The following MMP9 variants were observed in gnomAD, a reference collection of about 807,000 sequenced individuals.
The protein encoded by MMP9 is matrix metallopeptidase 9.
A neutral mutation model predicts 76.4 loss-of-function variants in MMP9; 73 were observed. The ratio of observed to expected loss-of-function variants is 0.96; its 90% CI spans 0.79 to 1.16. The LOEUF (loss-of-function observed/expected upper bound fraction) is 1.16, where lower values mean the gene tolerates loss of function less well. Ranked by LOEUF, MMP9 falls within the 50% of genes most tolerant of loss-of-function variation. MMP9 has a pLI of 0.00. For missense variants in MMP9, 943 were observed against 973.0 expected (o/e 0.97, Z 0.41); for synonymous variants, 412 against 408.4 (o/e 1.01, Z -0.11).
Position 46,014,351 on chromosome 20 carries a change from T to C in MMP9, c.1902-20T>C, listed in dbSNP as rs1176597409. Reference sequence around the variant, plus strand: ...TCCGCTAGCCGGCTCAGCACCTGTCTCCTCCGCGCCTGCCCGCAGGTTCGA... The same window carrying C: ...TCCGCTAGCCGGCTCAGCACCTGTCCCCTCCGCGCCTGCCCGCAGGTTCGA... On this transcript the variant is annotated intron_variant, in intron 11 of 12. Transcript: ENST00000372330. 4 of 1,545,458 alleles carry C rather than the reference T, an allele frequency of 2.6e-6. No homozygotes were observed. The South Asian group carries it at 4.8e-5, about 18-fold the overall frequency.
intron 12 of MMP9, 44 bp downstream of exon 12, chr20:46,014,518 T>C (rs528756314): frequency 6.7e-7 from 1 of 1,491,542 alleles, no homozygotes; most frequent in Non-Finnish European, 9.1e-7. Flanking sequence ...CACACTAAGC[T>C]CCTCTTAGTG....
rs1214395858 is a variant in MMP9 at position 46,009,043 on chromosome 20, C to T, written c.117C>T (p.Leu39=). The change falls in exon 1 of 13, where the codon CTC becomes CTT. Residue 39 remains leucine (L), a synonymous_variant. Coordinates refer to ENST00000372330, the MANE Select transcript of MMP9 (RefSeq NM_004994.3). ...VLFPGDLRTN[L]TDRQLAEEYL... ...TCCCTGGAGACCTGAGAACCAATCTCACCGACAGGCAGCTGGCAGAGGTGG... is the reference window on the plus strand; with the variant it reads ...TCCCTGGAGACCTGAGAACCAATCTTACCGACAGGCAGCTGGCAGAGGTGG... The T allele has an allele frequency of 1.1e-5, 17 of 1,613,864 alleles. No homozygotes were observed. Among genetic ancestry groups the T allele is most frequent in the African/African-American group, 1.3e-5 (1 of 75,030 alleles).
chr20:46,016,233 C>G lies in MMP9; in HGVS notation c.2006-17C>G, dbSNP rs540473046. The G allele has an allele frequency of 4.4e-6, 7 of 1,604,524 alleles. No individual in the cohort carries two copies. The South Asian group carries it at 6.6e-5, about 15-fold the overall frequency. ...AGAATTAGAATCACTCCTCTTATGC[C>G]TGCCTGTCTCCTGCAGAGAAAGCCT... On this transcript the variant is annotated splice_polypyrimidine_tract_variant and intron_variant, in intron 12 of 12. Transcript: ENST00000372330.
In MMP9 at chr20:46,012,514, C is replaced by CT. The variant is rs745653879; in HGVS notation, c.1263dup (p.Met422TyrfsTer6). On this transcript the variant is annotated frameshift_variant, in exon 8 of 13. Transcript: ENST00000372330. LOFTEE classifies it high-confidence loss of function. ...TCAGTGCCGGAGGCGCTCATGTACC[C>CT]TATGTACCGCTTCACTGAGGGGCCC... 7.4e-6 allele frequency: 12 copies of CT among 1,614,030 alleles called. No individual in the cohort carries two copies. Among genetic ancestry groups the CT allele is most frequent in the Non-Finnish European group, 1.0e-5 (12 of 1,179,866 alleles).
intron 2 of MMP9, 140 bp from the exon 3 acceptor site, chr20:46,010,343 A>AAAAAAAAAAAAAT: frequency 1.1e-6 from 1 of 926,570 alleles, no homozygotes; most frequent in Non-Finnish European, 1.6e-6. Context: ...AAAAAAAAAC[A>AAAAAAAAAAAAAT]GTCTGGAAGC....
chr20:46,010,374 G>A (rs1027893034), intron 2 of MMP9, 109 bp from the exon 3 acceptor site: 6 of 1,084,196 alleles, frequency 5.5e-6, no homozygotes, highest in Admixed American at 1.8e-5. Context: ...TGAGAGCGTG[G>A]ACGGCAGAGA....
At chr20:46,010,330 A>AAAAAAAAAAAAAC (rs2084269756) in intron 2 of MMP9, among the ~76,000 whole-genome samples, 153 bp from the exon 3 acceptor site, 2 of 101,928 alleles carry the variant, frequency 2.0e-5, no homozygotes, top group African/African-American at 3.7e-5. Flanking sequence ...ACAAAAAAAA[A>AAAAAAAAAAAAAC]AAAAAAAAAA....
In MMP9 at chr20:46,013,440, A is replaced by T. The variant is rs2084297788; in HGVS notation, c.1516A>T (p.Thr506Ser). ...PPTAGPSTAT[T>S]VPLSPVDDAC... ...CACTGCTGGCCCTTCTACGGCCACT[A>T]CTGTGCCTTTGAGTCCGGTGGACGA... The change falls in exon 9 of 13, where the codon ACT (threonine) becomes TCT (serine). Residue 506 changes from threonine to serine, a missense_variant. Transcript: ENST00000372330. This position sits in a 1 kb window ranked among gnomAD's most constrained non-coding sequence, Gnocchi z 4.5. 1.9e-6 allele frequency: 3 copies of T among 1,613,716 alleles called. No homozygotes were observed. The highest frequency in any genetic ancestry group is 2.5e-6 in the Non-Finnish European group (3 of 1,179,956).
At chr20:46,014,067 C>A in intron 10 of MMP9, 57 bp from the exon 11 acceptor site, 1 of 1,532,550 alleles carries the variant, frequency 6.5e-7, no homozygotes, top group South Asian at 1.2e-5. Context: ...TCCTCGCGTT[C>A]TAGGAGTACG....
intron 2 of MMP9, 133 bp downstream of exon 2, chr20:46,010,231 C>A: frequency 1.1e-6 from 1 of 904,356 alleles, no homozygotes; most frequent in Non-Finnish European, 1.6e-6. Context: ...TGGGGAGTGT[C>A]CCCACCTCTG....
At position 46,016,318 on chromosome 20, in the gene MMP9, G is replaced by C. The variant is rs756600684; in HGVS notation, c.2074G>C (p.Asp692His). 1.2e-6 allele frequency: 2 copies of C among 1,614,222 alleles called. No individual in the cohort carries two copies. Among genetic ancestry groups the C allele is most frequent in the Non-Finnish European group, 1.7e-6 (2 of 1,180,052 alleles). The change falls in exon 13 of 13, where the codon GAC becomes CAC. Residue 692 changes from aspartate to histidine, a missense_variant. Transcript: ENST00000372330. ...TTCCCGGAGTGAGTTGAACCAGGTG[G>C]ACCAAGTGGGCTACGTGACCTATGA... ...VSSRSELNQVDQVGYVTYDIL... is the reference protein window; with the variant it reads ...VSSRSELNQVHQVGYVTYDIL...
intron 8 of MMP9, 71 bp downstream of exon 8, chr20:46,012,653 G>T: frequency 6.3e-7 from 1 of 1,580,986 alleles, no homozygotes; most frequent in Non-Finnish European, 8.6e-7. Flanking sequence ...AAGAATTGGG[G>T]GTTGGGGATC....
intron 6 of MMP9, 53 bp from the exon 7 acceptor site, chr20:46,012,084 A>C: frequency 1.2e-6 from 2 of 1,600,152 alleles, no homozygotes; most frequent in Non-Finnish European, 1.7e-6. Flanking sequence ...TCGGCCCCTG[A>C]CTCCTTATTG....
Position 46,013,765 on chromosome 20 carries a change from G to T in MMP9, c.1719G>T (p.Glu573Asp). Residue 573 changes from glutamate (E) to aspartate (D), a missense_variant, in exon 10 of 13, where the codon GAG becomes GAT. Coordinates refer to ENST00000372330, the MANE Select transcript of MMP9 (RefSeq NM_004994.3). The surrounding 1 kb of genome is among the most constrained non-coding windows in gnomAD (Gnocchi z 4.5). The stretch of plus-strand genomic sequence containing the variant: ...GCAAGCTGGACTCGGTCTTTGAGGA[G>T]CGGCTCTCCAAGAAGCTTTTCTTCT... ...LPRKLDSVFE[E>D]RLSKKLFFFS... The T allele has an allele frequency of 6.2e-7, 1 of 1,613,562 alleles. No individual in the cohort carries two copies. The highest frequency in any genetic ancestry group is 8.5e-7 in the Non-Finnish European group (1 of 1,180,008).
rs200092749 is a variant in MMP9 at position 46,009,949 on chromosome 20, C to A, written c.222C>A (p.Leu74=). 3.9e-6 allele frequency: 6 copies of A among 1,552,126 alleles called. No individual in the cohort carries two copies. The highest frequency in any genetic ancestry group is 4.4e-6 in the Non-Finnish European group (5 of 1,147,170). Residue 74 remains leucine, a synonymous_variant, in exon 2 of 13, where the codon CTC becomes CTA. Transcript: ENST00000372330. ...SKSLGPALLL[L]QKQLSLPETG... ...CTCTGGGGCCTGCGCTGCTGCTTCTCCAGAAGCAACTGTCCCTGCCCGAGA... is the reference window on the plus strand; with the variant it reads ...CTCTGGGGCCTGCGCTGCTGCTTCTACAGAAGCAACTGTCCCTGCCCGAGA...
In MMP9 at chr20:46,010,615, C is replaced by A. The variant is rs769681535; in HGVS notation, c.504C>A (p.Ile168=). The change falls in exon 3 of 13, where the codon ATC becomes ATA. Residue 168 remains isoleucine, a synonymous_variant. Coordinates refer to ENST00000372330, the MANE Select transcript of MMP9 (RefSeq NM_004994.3). ...RVYSRDADIV[I]QFGVAEHGDG... is the part of the protein sequence containing the mutation. Reference sequence around the variant, plus strand: ...ACAGCCGGGACGCAGACATCGTCATCCAGTTTGGTGTCGCGGGTGAGAACG... The same window carrying A: ...ACAGCCGGGACGCAGACATCGTCATACAGTTTGGTGTCGCGGGTGAGAACG... 43 of 1,613,656 alleles carry A rather than the reference C, an allele frequency of 2.7e-5. No homozygotes were observed. In the South Asian group the frequency reaches 4.7e-4, roughly 18 times the overall value.
chr20:46,013,541 A>T lies in MMP9; in HGVS notation c.1610+7A>T. 1 of 1,613,630 alleles carries T rather than the reference A, an allele frequency of 6.2e-7. No individual in the cohort carries two copies. Among genetic ancestry groups the T allele is most frequent in the Non-Finnish European group, 8.5e-7 (1 of 1,179,718 alleles). On this transcript the variant is annotated splice_region_variant and intron_variant, in intron 9 of 12. Transcript: ENST00000372330. The surrounding 1 kb of genome is among the most constrained non-coding windows in gnomAD (Gnocchi z 4.5). The stretch of plus-strand genomic sequence containing the variant: ...TGTATTTGTTCAAGGATGGGTGAGG[A>T]GGCGGGGTTGTGTGGATGCGGGAGG...
intron 2 of MMP9, 87 bp downstream of exon 2, chr20:46,010,185 C>G (rs2084266787): frequency 1.6e-6 from 2 of 1,244,088 alleles, no homozygotes; most frequent in East Asian, 5.1e-5. Context: ...CTGTCTTGGA[C>G]GCGTCCCTGG....
rs773494514 is a variant in MMP9, at chr20:46,013,362, CGCCCCACAGCTG to C, written c.1448_1459del (p.Ala483_Thr486del). On this transcript the variant is annotated inframe_deletion, in exon 9 of 13. Coordinates refer to ENST00000372330, the MANE Select transcript of MMP9 (RefSeq NM_004994.3). The surrounding 1 kb of genome is among the most constrained non-coding windows in gnomAD (Gnocchi z 4.5). ...ACCCCCCACTGTCCACCCCTCAGAG[CGCCCCACAGCTG>C]GCCCCACAGGTCCCCCCTCAGCTGG... is the stretch of plus-strand genomic sequence containing the variant. 6.2e-6 allele frequency: 10 copies of C among 1,612,822 alleles called. 1 individual carries two copies. The South Asian group carries it at 9.9e-5, about 16-fold the overall frequency.
Sources: gnomAD v4.1 joint callset for allele counts (sites outside exome capture counted in the v4.1 genomes callset) on GRCh38, gnomAD v4.1.1 for gene constraint, Gnocchi (gnomAD v3.1) non-coding constraint, MANE v1.5 for transcripts, NCBI Gene and HGNC (gene_info 2026-07-23, HGNC 2026-07-21) for gene names.